Variants in DST observed in about 807,000 individuals in gnomAD.
The protein encoded by DST is bullous pemphigoid antigen.
In DST, 253 loss-of-function variants were observed where a neutral mutation model predicts 875.2. The ratio of observed to expected loss-of-function variants is 0.29; its 90% CI spans 0.26 to 0.32. The LOEUF (loss-of-function observed/expected upper bound fraction) is 0.32. Ranked by LOEUF, DST falls within the 10% of genes least tolerant of loss-of-function variation. The pLI is 1.00. For synonymous variants in DST, 3,124 were observed against 3,197.1 expected, an observed-to-expected ratio of 0.98 and a Z score of 0.77; for missense variants, 8,287 against 9,111.6, an observed-to-expected ratio of 0.91 and a Z score of 3.68.
rs566959876 is a variant in DST, at chr6:56,788,260, C to T, written c.626-52971G>A. ...CTCTGTCACTCAGGCTAGAGTGCAG[C>T]GGCACGATCTCTGCTCACTGCAGCC... On this transcript the variant is annotated intron_variant, in intron 4 of 103. Coordinates refer to ENST00000680361, the MANE Select transcript of DST (RefSeq NM_001374736.1). 5.4e-5 allele frequency among the ~76,000 whole-genome samples: 8 copies of T among 149,328 alleles called. 1 individual carries two copies. The highest frequency in any genetic ancestry group is 2.1e-4 in the South Asian group (1 of 4,696).
chr6:56,780,691 A>C (rs2099691588), intron 4 of DST, among the ~76,000 whole-genome samples: 1 of 150,886 alleles, frequency 6.6e-6, no homozygotes. Context: ...GTTCACTCTG[A>C]TGGTAGTTTC....
intron 61 of DST, among the ~76,000 whole-genome samples, chr6:56,538,271 T>C (rs1386528454): frequency 6.6e-6 from 1 of 152,214 alleles, no homozygotes; most frequent in Non-Finnish European, 1.5e-5. Context: ...ATTACAGGTA[T>C]GAGCCAACTC....
intron 3 of DST, among the ~76,000 whole-genome samples, chr6:56,885,485 G>A (rs1470943463): frequency 6.6e-6 from 1 of 151,978 alleles, no homozygotes; most frequent in Non-Finnish European, 1.5e-5. Context: ...TATTTGCTTA[G>A]GTATCTGCTT....
chr6:56,508,044 T>C (rs1001711135), intron 75 of DST, among the ~76,000 whole-genome samples: 8 of 152,158 alleles, frequency 5.3e-5, no homozygotes, highest in Non-Finnish European at 8.8e-5. Flanking sequence ...GTGTTTTTGT[T>C]TGTCTTCTGA....
intron 78 of DST, among the ~76,000 whole-genome samples, chr6:56,503,045 A>G (rs1307513932): frequency 2.6e-5 from 4 of 152,152 alleles, no homozygotes; most frequent in African/African-American, 4.8e-5. Flanking sequence ...GAGAACAGCA[A>G]TGGAAAACAA....
At chr6:56,836,430 A>C (rs897073995) in intron 4 of DST, among the ~76,000 whole-genome samples, 2 of 152,222 alleles carry the variant, frequency 1.3e-5, no homozygotes, top group Non-Finnish European at 2.9e-5. Context: ...TTGCAATTTT[A>C]AATTAAAATT....
At chr6:56,659,979 G>C (rs548830257) in intron 10 of DST, among the ~76,000 whole-genome samples, 109 of 152,280 alleles carry the variant, frequency 7.2e-4, no homozygotes, top group South Asian at 6.2e-3. Flanking sequence ...AGATAGGTTT[G>C]TGTCTTTGGT....
At position 56,544,131 on chromosome 6, in the gene DST, G is replaced by T. The variant is rs1031271834; in HGVS notation, c.16609-7191C>A. Among the ~76,000 whole-genome samples the T allele has an allele frequency of 8.5e-5, 13 of 152,324 alleles. 1 individual carries two copies. Among genetic ancestry groups the T allele is most frequent in the African/African-American group, 3.1e-4 (13 of 41,592 alleles). ...ACAGGCTGTAATAAGGCACTGATAA[G>T]AGAAAGAAAAATGGTCTCATACTTA... On this transcript the variant is annotated intron_variant, in intron 61 of 103. Coordinates refer to ENST00000680361, the MANE Select transcript of DST (RefSeq NM_001374736.1).
At chr6:56,480,178 C>G (rs891566613) in intron 90 of DST, among the ~76,000 whole-genome samples, 2 of 152,138 alleles carry the variant, frequency 1.3e-5, no homozygotes, top group African/African-American at 4.8e-5. Context: ...AGTCAACGTT[C>G]AATTGACAGC....
At position 56,572,127 on chromosome 6, in the gene DST, T is replaced by C. The variant is rs1212886659; in HGVS notation, c.13694A>G (p.Lys4565Arg). ...EKTNNLSKKF[K>R]EMEDTIKEKK... The stretch of plus-strand genomic sequence containing the variant: ...TTCTTTGATGGTATCCTCCATTTCC[T>C]TGAATTTCTTTGACAAATTATTTGT... The change falls in exon 53 of 104, where the codon AAG becomes AGG. Residue 4565 changes from lysine to arginine, a missense_variant. Transcript: ENST00000680361. 3.3e-6 allele frequency: 5 copies of C among 1,517,050 alleles called. No homozygotes were observed. The highest frequency in any genetic ancestry group is 2.6e-6 in the Non-Finnish European group (3 of 1,133,424). The allele number at this position is 1,517,050 out of a possible 1,614,324, so 94.0% of individuals were successfully genotyped here. A position where few individuals can be genotyped will look rare whatever the true frequency, so the allele number is the denominator to read the frequency against.
rs1384639224 is a variant in DST, at chr6:56,604,915, A to G, written c.9713T>C (p.Leu3238Pro). The change falls in exon 40 of 104, where the codon CTT becomes CCT. Residue 3238 changes from leucine (L) to proline (P), a missense_variant. By Grantham distance (98) the Leu-to-Pro change is moderately conservative (BLOSUM62 -3). Around this residue, in one of 10 missense-constraint regions of DST, gnomAD observed 3,138 missense variants for 3,116.6 expected, o/e 1.01. Transcript: ENST00000680361. ...KSTSTQKDSP[L>P]NDMIQSNDLC... ...ATCATTGCTTTGGATCATGTCATTA[A>G]GAGGTGAGTCTTTTTGGGTACTAGT... The G allele has an allele frequency of 1.2e-6, 2 of 1,612,614 alleles. No individual in the cohort carries two copies. Among genetic ancestry groups the G allele is most frequent in the African/African-American group, 2.7e-5 (2 of 74,830 alleles).
chr6:56,602,841 G>A, intron 43 of DST, 41 bp downstream of exon 43: 2 of 1,402,808 alleles, frequency 1.4e-6, no homozygotes, highest in South Asian at 3.4e-5. Flanking sequence ...TAAAGTCATA[G>A]TTTTTGAAAT....
rs2098503691 is a variant in DST, at chr6:56,606,941, G to A, written c.7687C>T (p.Pro2563Ser). The A allele has an allele frequency of 6.2e-7, 1 of 1,613,390 alleles. No homozygotes were observed. Among genetic ancestry groups the A allele is most frequent in the Admixed American group, 1.7e-5 (1 of 59,936 alleles). ...EIEEYSCAVT[P>S]GGDTDNAIVS... Reference sequence around the variant, plus strand: ...ATGGCATTATCAGTATCACCCCCTGGAGTCACAGCACAGGAATACTCTTCT... The same window carrying A: ...ATGGCATTATCAGTATCACCCCCTGAAGTCACAGCACAGGAATACTCTTCT... Residue 2563 changes from proline to serine, a missense_variant, in exon 40 of 104, where the codon CCA becomes TCA. Pro to Ser is a moderately conservative substitution (Grantham distance 74). This residue lies in a region of DST where 3,138 missense variants were observed against 3,116.6 expected (regional missense o/e 1.01). Coordinates refer to ENST00000680361, the MANE Select transcript of DST (RefSeq NM_001374736.1).
intron 9 of DST, among the ~76,000 whole-genome samples, chr6:56,673,796 C>G (rs1563604533): frequency 6.6e-6 from 1 of 152,058 alleles, no homozygotes; most frequent in East Asian, 1.9e-4. Flanking sequence ...TTTAAAATAT[C>G]AAAGATTAAG....
intron 5 of DST, among the ~76,000 whole-genome samples, chr6:56,712,237 T>C (rs551197975): frequency 6.6e-6 from 1 of 152,296 alleles, no homozygotes; most frequent in South Asian, 2.1e-4. Context: ...ATATAAATCT[T>C]TCTTTAAACT....
chr6:56,617,358 T>A, intron 36 of DST: 1 of 1,614,030 alleles, frequency 6.2e-7, no homozygotes, highest in Non-Finnish European at 8.5e-7. Context: ...GGAACTGGGT[T>A]CTTTTCTTGT....
intron 34 of DST, among the ~76,000 whole-genome samples, chr6:56,625,635 T>C (rs2098726101): frequency 6.6e-6 from 1 of 152,018 alleles, no homozygotes; most frequent in Non-Finnish European, 1.5e-5. Flanking sequence ...CACACAATTA[T>C]GTTCAGTATG....
rs573363591 is a variant in DST at position 56,547,541 on chromosome 6, T to C, written c.16608+4643A>G. Among the ~76,000 whole-genome samples, 39 of 152,340 alleles carry C rather than the reference T, an allele frequency of 2.6e-4. No individual in the cohort carries two copies. The South Asian group carries it at 7.9e-3, about 31-fold the overall frequency. ...AGGAATTTTCCCTAACAAAAACCTC[T>C]TCTGCAACAGTTTTATCTAATTTCC... On this transcript the variant is annotated intron_variant, in intron 61 of 103. Transcript: ENST00000680361.
At chr6:56,818,245 A>C (rs904475493) in intron 4 of DST, among the ~76,000 whole-genome samples, 1 of 152,144 alleles carries the variant, frequency 6.6e-6, no homozygotes, top group African/African-American at 2.4e-5. Context: ...ATTTCCTTCT[A>C]GGGAAAAATG....
Sources: allele counts gnomAD v4.1 joint callset (sites outside exome capture counted in the v4.1 genomes callset), GRCh38; gene constraint gnomAD v4.1.1; regional missense constraint gnomAD v4.1.1; transcripts MANE v1.5; gene names NCBI Gene and HGNC (gene_info 2026-07-23, HGNC 2026-07-21).